SFMBT1: variants seen among roughly 807,000 people sequenced by gnomAD.
SFMBT1 encodes the protein Scm like with four mbt domains 1.
SFMBT1 carries 32 observed loss-of-function variants against 108.7 expected under a neutral mutation model. The ratio of observed to expected loss-of-function variants is 0.29; its 90% CI spans 0.22 to 0.40. The LOEUF is 0.40. Ranked by LOEUF, SFMBT1 falls within the 10% of genes least tolerant of loss-of-function variation. SFMBT1 has a pLI of 1.00. For missense variants in SFMBT1, 816 were observed against 1,059.6 expected, an observed-to-expected ratio of 0.77 and a Z score of 3.19; for synonymous variants, 348 against 369.5, an observed-to-expected ratio of 0.94 and a Z score of 0.67.
At chr3:52,934,681 C>T in intron 5 of SFMBT1, 132 bp downstream of exon 5, 1 of 685,014 alleles carries the variant, frequency 1.5e-6, no homozygotes, top group Non-Finnish European at 2.3e-6. Flanking sequence ...GTTTAAACTT[C>T]CCAATACCTA....
intron 14 of SFMBT1, among the ~76,000 whole-genome samples, chr3:52,914,455 T>G (rs1702293329): frequency 6.6e-6 from 1 of 152,092 alleles, no homozygotes; most frequent in Non-Finnish European, 1.5e-5. Context: ...AGCCAGGTGT[T>G]GTGGCTCATG....
chr3:53,001,588 A>ACAGGAACCACACT (rs1553642241), intron 1 of SFMBT1, among the ~76,000 whole-genome samples: 1 of 148,064 alleles, frequency 6.8e-6, no homozygotes, highest in Non-Finnish European at 1.5e-5. Context: ...CATTTCTAAT[A>ACAGGAACCACACT]GCTCTAGCTA....
chr3:52,920,690 C>CAAA, intron 11 of SFMBT1, 40 bp from the exon 12 acceptor site: 18 of 1,322,494 alleles, frequency 1.4e-5, no homozygotes, highest in Non-Finnish European at 1.9e-5. Context: ...AACAAACAAA[C>CAAA]CTTTTTTTAG....
At chr3:52,946,650 T>A (rs548577143) in intron 3 of SFMBT1, among the ~76,000 whole-genome samples, 1 of 152,228 alleles carries the variant, frequency 6.6e-6, no homozygotes, top group Non-Finnish European at 1.5e-5. Flanking sequence ...GCCATAAACA[T>A]TTTTGCTTGT....
chr3:53,021,189 C>T (rs771617917), intron 1 of SFMBT1, among the ~76,000 whole-genome samples: 1 of 152,190 alleles, frequency 6.6e-6, no homozygotes, highest in Non-Finnish European at 1.5e-5. Flanking sequence ...ACATTTCTAA[C>T]GAAAGACCAA....
chr3:52,961,165 G>A (rs1703948459), intron 2 of SFMBT1, among the ~76,000 whole-genome samples: 1 of 151,608 alleles, frequency 6.6e-6, no homozygotes, highest in Non-Finnish European at 1.5e-5. Flanking sequence ...CTACAACATT[G>A]ATAAACAATG....
chr3:53,022,937 C>G (rs1454349154), intron 1 of SFMBT1, among the ~76,000 whole-genome samples: 1 of 152,080 alleles, frequency 6.6e-6, no homozygotes, highest in African/African-American at 2.4e-5. Context: ...TTTAATACCA[C>G]TAAACTATAC....
chr3:52,990,926 A>G (rs953864632), intron 1 of SFMBT1, among the ~76,000 whole-genome samples: 2 of 152,242 alleles, frequency 1.3e-5, no homozygotes, highest in Admixed American at 6.5e-5. Flanking sequence ...TTCACTTCAA[A>G]TGATGAGTAA....
chr3:53,034,337 G>A (rs1417191892), intron 1 of SFMBT1, among the ~76,000 whole-genome samples: 1 of 152,182 alleles, frequency 6.6e-6, no homozygotes, highest in Non-Finnish European at 1.5e-5. Flanking sequence ...AACACTGTGG[G>A]AGGCCCAGGC....
intron 2 of SFMBT1, among the ~76,000 whole-genome samples, chr3:52,960,781 G>A (rs550057041): frequency 1.1e-4 from 17 of 152,208 alleles, no homozygotes; most frequent in African/African-American, 3.6e-4. Flanking sequence ...ATCAACAGAC[G>A]AATGGATAAC....
At chr3:52,987,870 T>C (rs1704982118) in intron 1 of SFMBT1, among the ~76,000 whole-genome samples, 1 of 152,182 alleles carries the variant, frequency 6.6e-6, no homozygotes, top group South Asian at 2.1e-4. Flanking sequence ...AAGGATACAG[T>C]ACACATTTTT....
chr3:53,015,693 T>G (rs1273341914), intron 1 of SFMBT1, among the ~76,000 whole-genome samples: 1 of 152,184 alleles, frequency 6.6e-6, no homozygotes, highest in African/African-American at 2.4e-5. Flanking sequence ...GACCACATAT[T>G]ATATGATATC....
intron 1 of SFMBT1, among the ~76,000 whole-genome samples, chr3:53,038,907 A>G (rs1699948725): frequency 1.3e-5 from 2 of 152,172 alleles, no homozygotes; most frequent in Non-Finnish European, 2.9e-5. Context: ...TTCTGAACAC[A>G]CATATTTTTT....
At chr3:52,935,962 T>G (rs550627199) in intron 4 of SFMBT1, among the ~76,000 whole-genome samples, 1 of 152,226 alleles carries the variant, frequency 6.6e-6, no homozygotes, top group African/African-American at 2.4e-5. Context: ...GTTGTTCTAC[T>G]GTTCCCTGTA....
At chr3:52,926,640 A>G (rs1341425615) in intron 9 of SFMBT1, among the ~76,000 whole-genome samples, 1 of 152,186 alleles carries the variant, frequency 6.6e-6, no homozygotes, top group African/African-American at 2.4e-5. Flanking sequence ...ATATTACAGA[A>G]TATCAATGCT....
chr3:52,963,557 TC>T (rs1027512953), intron 2 of SFMBT1, among the ~76,000 whole-genome samples: 2 of 151,942 alleles, frequency 1.3e-5, no homozygotes, highest in African/African-American at 4.8e-5. Context: ...CAAGCAATCT[TC>T]CCACCTCAGA....
At chr3:52,938,419 A>G (rs534253427) in intron 4 of SFMBT1, among the ~76,000 whole-genome samples, 1 of 152,190 alleles carries the variant, frequency 6.6e-6, no homozygotes, top group East Asian at 1.9e-4. Context: ...CTTTCGTCAT[A>G]TAGAAAGGTT....
At chr3:53,032,670 A>G (rs964552505) in intron 1 of SFMBT1, among the ~76,000 whole-genome samples, 17 of 152,216 alleles carry the variant, frequency 1.1e-4, no homozygotes. Context: ...GCATTCATTC[A>G]GCTATAATTT....
In SFMBT1 at chr3:52,998,686, C is replaced by T. The variant is rs767195750; in HGVS notation, c.-130-29428G>A. Among the ~76,000 whole-genome samples, 2 of 150,670 alleles carry T rather than the reference C, an allele frequency of 1.3e-5. 1 individual carries two copies. Among genetic ancestry groups the T allele is most frequent in the Non-Finnish European group, 3.0e-5 (2 of 67,208 alleles). On this transcript the variant is annotated intron_variant, in intron 1 of 20. Transcript: ENST00000394752. Reference sequence around the variant, plus strand: ...CTCGTGCCACGCTGGTTCTGCTCCTCGCCATCTCGGCAGTTCAGAAAGAAC... The same window carrying T: ...CTCGTGCCACGCTGGTTCTGCTCCTTGCCATCTCGGCAGTTCAGAAAGAAC...
Sources: allele counts gnomAD v4.1 joint callset (sites outside exome capture counted in the v4.1 genomes callset), GRCh38; gene constraint gnomAD v4.1.1; transcripts MANE v1.5; gene names NCBI Gene and HGNC (gene_info 2026-07-23, HGNC 2026-07-21).